The following WDR64 variants were observed in gnomAD, a reference collection of about 807,000 sequenced individuals.
The protein encoded by WDR64 is WD repeat domain 64.
WDR64 carries 112 observed loss-of-function variants against 139.3 expected under a neutral mutation model. The observed-to-expected ratio is 0.80, with a 90% CI of 0.69 to 0.94. WDR64 has a LOEUF of 0.94. WDR64 is among the 40% of genes least tolerant of loss of function. WDR64 has a pLI of 0.00. For missense variants in WDR64, 1,206 were observed against 1,293.1 expected (o/e 0.93, Z 1.03); for synonymous variants, 444 against 437.7 (o/e 1.01, Z -0.18).
At chr1:241,654,575 T>C (rs1354559850) in intron 1 of WDR64, among the ~76,000 whole-genome samples, 1 of 152,236 alleles carries the variant, frequency 6.6e-6, no homozygotes, top group Non-Finnish European at 1.5e-5. Context: ...CTTTCTTTGC[T>C]TCTTTTTCTC....
chr1:241,749,021 CACGTAACCA>C (rs1669878428), intron 13 of WDR64, among the ~76,000 whole-genome samples: 1 of 151,854 alleles, frequency 6.6e-6, no homozygotes, highest in Admixed American at 6.6e-5. Flanking sequence ...ACTTTCCTCC[CACGTAACCA>C]ACAAAACCAC....
chr1:241,695,791 C>T (rs1667459970), intron 8 of WDR64, among the ~76,000 whole-genome samples: 1 of 151,926 alleles, frequency 6.6e-6, no homozygotes, highest in Admixed American at 6.6e-5. Context: ...TGCCTATTGC[C>T]AATGCTAAGA....
chr1:241,674,612 G>A (rs1666393597), intron 3 of WDR64, 32 bp from the exon 4 acceptor site: 4 of 1,422,476 alleles, frequency 2.8e-6, no homozygotes, highest in Non-Finnish European at 3.8e-6. Flanking sequence ...CTTTACTGCT[G>A]AAAGTTGAAA....
chr1:241,702,294 GT>G (rs144405315), intron 8 of WDR64, among the ~76,000 whole-genome samples: 12,010 of 152,144 alleles, frequency 0.079, 576 homozygotes, highest in East Asian at 0.22. Flanking sequence ...ACTGGTTTCT[GT>G]CCTAGCACTC....
In WDR64 at chr1:241,652,473, C is replaced by T. The variant is rs1478881735; in HGVS notation, c.-12C>T. 1 of 1,548,664 alleles carries T rather than the reference C, an allele frequency of 6.5e-7. No homozygotes were observed. The highest frequency in any genetic ancestry group is 1.4e-5 in the African/African-American group (1 of 72,710). On this transcript the variant is annotated 5_prime_UTR_variant, in exon 1 of 28. Transcript: ENST00000437684. ...TCTTTCTGTACAGAAGTAAAAGATCCCCTATGTCCCTATGGATATCAGGAA... is the reference window on the plus strand; with the variant it reads ...TCTTTCTGTACAGAAGTAAAAGATCTCCTATGTCCCTATGGATATCAGGAA...
intron 15 of WDR64, among the ~76,000 whole-genome samples, chr1:241,760,759 A>ATTTTT (rs71174847): frequency 7.9e-4 from 69 of 87,036 alleles, no homozygotes; most frequent in Middle Eastern, 0.011. Context: ...GTGGGTTTCC[A>ATTTTT]TTTTTTTTTT....
At chr1:241,751,675 T>A (rs1468852964) in intron 14 of WDR64, among the ~76,000 whole-genome samples, 1 of 152,184 alleles carries the variant, frequency 6.6e-6, no homozygotes. Context: ...TTCTTGGTTT[T>A]ATTTTCTCAA....
chr1:241,780,636 G>A (rs1433614722), intron 22 of WDR64, among the ~76,000 whole-genome samples: 4 of 152,196 alleles, frequency 2.6e-5, no homozygotes, highest in Non-Finnish European at 5.9e-5. Flanking sequence ...TTAACAAGGG[G>A]TTTATGTTGA....
At chr1:241,662,374 A>T (rs1665864264) in intron 2 of WDR64, among the ~76,000 whole-genome samples, 1 of 152,186 alleles carries the variant, frequency 6.6e-6, no homozygotes. Flanking sequence ...GGTTGTTGGC[A>T]GAATTCAATG....
intron 8 of WDR64, among the ~76,000 whole-genome samples, chr1:241,706,531 C>G (rs1667960483): frequency 6.6e-6 from 1 of 152,206 alleles, no homozygotes; most frequent in South Asian, 2.1e-4. Context: ...GACATTTAAG[C>G]ATTTTCAAAA....
intron 8 of WDR64, among the ~76,000 whole-genome samples, chr1:241,693,423 T>C (rs867276447): frequency 4.1e-4 from 62 of 152,014 alleles, no homozygotes; most frequent in African/African-American, 1.4e-3. Context: ...GGAGGGAGCA[T>C]AGAGAATTTT....
chr1:241,747,342 A>AT (rs1669802210), intron 13 of WDR64, among the ~76,000 whole-genome samples: 2 of 152,086 alleles, frequency 1.3e-5, no homozygotes, highest in South Asian at 4.1e-4. Context: ...AGTTAATGGG[A>AT]TTTTCTAATG....
intron 8 of WDR64, among the ~76,000 whole-genome samples, chr1:241,705,103 G>T (rs1253212231): frequency 3.3e-5 from 5 of 152,198 alleles, no homozygotes; most frequent in Non-Finnish European, 7.3e-5. Context: ...AGAGCCTAAA[G>T]TGGGGAAACG....
intron 2 of WDR64, among the ~76,000 whole-genome samples, chr1:241,670,378 A>T (rs1211838731): frequency 6.6e-6 from 1 of 152,176 alleles, no homozygotes; most frequent in Non-Finnish European, 1.5e-5. Flanking sequence ...TGAAAAATTC[A>T]TGGAAAATGG....
At chr1:241,783,910 G>A (rs781523123) in intron 23 of WDR64, among the ~76,000 whole-genome samples, 2 of 152,130 alleles carry the variant, frequency 1.3e-5, no homozygotes, top group African/African-American at 2.4e-5. Flanking sequence ...AAATGTCATG[G>A]CATTTCTAGA....
rs74153431 is a variant in WDR64, at chr1:241,745,884, G to A, written c.1594+1368G>A. ...TCACCTGGGAAAAGCTGAGGAGTAC[G>A]TCTCTCTGCTCTCAGCTCCACTAAA... is the stretch of plus-strand genomic sequence containing the variant. On this transcript the variant is annotated intron_variant, in intron 13 of 27. Coordinates refer to ENST00000437684, the MANE Select transcript of WDR64 (RefSeq NM_001367482.1). Among the ~76,000 whole-genome samples the A allele has an allele frequency of 8.4e-3, 1,286 of 152,292 alleles. 18 individuals carry two copies. Among genetic ancestry groups the A allele is most frequent in the African/African-American group, 0.028 (1,149 of 41,560 alleles).
chr1:241,702,417 G>A (rs1667751722), intron 8 of WDR64, among the ~76,000 whole-genome samples: 1 of 151,660 alleles, frequency 6.6e-6, no homozygotes, highest in South Asian at 2.1e-4. Flanking sequence ...AATTACTTAA[G>A]TTAACTCACG....
intron 8 of WDR64, among the ~76,000 whole-genome samples, chr1:241,710,855 A>G (rs1471543437): frequency 6.6e-6 from 1 of 152,172 alleles, no homozygotes; most frequent in African/African-American, 2.4e-5. Flanking sequence ...GAGAGAAGTG[A>G]TGTGATCTAA....
At chr1:241,708,903 A>C (rs75318561) in intron 8 of WDR64, among the ~76,000 whole-genome samples, 1 of 151,950 alleles carries the variant, frequency 6.6e-6, no homozygotes. Context: ...GAACGACTGC[A>C]CTAAGGTCTT....
Sources: gnomAD v4.1 joint callset for allele counts (sites outside exome capture counted in the v4.1 genomes callset) on GRCh38, gnomAD v4.1.1 for gene constraint, MANE v1.5 for transcripts, NCBI Gene and HGNC (gene_info 2026-07-23, HGNC 2026-07-21) for gene names.